ADGRE2: variants seen among roughly 807,000 people sequenced by gnomAD.
ADGRE2 encodes CD97 antigen.
ADGRE2 carries 83 observed loss-of-function variants against 100.8 expected under a neutral mutation model. That is an observed-to-expected ratio of 0.82 (90% CI 0.69 to 0.99). The LOEUF is 0.99. Among genes scored for constraint, ADGRE2 ranks in the 50% least tolerant of loss-of-function variants. The pLI, the probability that ADGRE2 is intolerant of heterozygous loss-of-function variation, is 0.00. For synonymous variants in ADGRE2, 355 were observed against 413.0 expected (o/e 0.86, Z 1.70); for missense variants, 814 against 1,035.7 (o/e 0.79, Z 2.94).
chr19:14,756,139 A>T, intron 12 of ADGRE2, 99 bp downstream of exon 12: 1 of 996,486 alleles, frequency 1.0e-6, no homozygotes, highest in Non-Finnish European at 1.6e-6. Flanking sequence ...CAAACATCCC[A>T]CACTTCCCTT....
At chr19:14,772,024 G>A (rs1193920189) in intron 5 of ADGRE2, 5 of 389,988 alleles carry the variant, frequency 1.3e-5, no homozygotes, top group Non-Finnish European at 2.4e-5. Context: ...CATAGGAGTA[G>A]GCCATTATTA....
rs1398998040 is a variant in ADGRE2 at position 14,772,334 on chromosome 19, G to C, written c.355+8C>G. The C allele has an allele frequency of 1.2e-6, 2 of 1,613,958 alleles. No individual in the cohort carries two copies. Among genetic ancestry groups the C allele is most frequent in the Non-Finnish European group, 1.7e-6 (2 of 1,180,028 alleles). ...CAGTGGTGATGGAGGATGTGGGGTG[G>C]TTCTTACCTTGACACGTGTTCTCGC... On this transcript the variant is annotated splice_region_variant and intron_variant, in intron 5 of 20. Coordinates refer to ENST00000315576, the MANE Select transcript of ADGRE2 (RefSeq NM_013447.4).
At chr19:14,760,746 T>C (rs888369418) in intron 11 of ADGRE2, among the ~76,000 whole-genome samples, 1 of 152,166 alleles carries the variant, frequency 6.6e-6, no homozygotes, top group African/African-American at 2.4e-5. Flanking sequence ...GTGGGGGGTC[T>C]GACATGTGTC....
chr19:14,736,197 C>T lies in ADGRE2; in HGVS notation c.*39G>A, dbSNP rs746896270. 45 of 1,577,612 alleles carry T rather than the reference C, an allele frequency of 2.9e-5. No homozygotes were observed. Among genetic ancestry groups the T allele is most frequent in the Non-Finnish European group, 3.6e-5 (41 of 1,148,420 alleles). On this transcript the variant is annotated 3_prime_UTR_variant, in exon 21 of 21. Coordinates refer to ENST00000315576, the MANE Select transcript of ADGRE2 (RefSeq NM_013447.4). ...ATGGCTCAAAGATTGTTCAGATTTT[C>T]CACGGGCAAAGAGGGAAGATCTTAT...
intron 1 of ADGRE2, among the ~76,000 whole-genome samples, chr19:14,777,894 T>C (rs1442131022): frequency 3.3e-5 from 5 of 152,344 alleles, no homozygotes; most frequent in Admixed American, 1.3e-4. Context: ...CAGTCTATCA[T>C]TGATGGACAT....
rs907690549 is a variant in ADGRE2 at position 14,764,505 on chromosome 19, C to T, written c.1012G>A (p.Glu338Lys). 6.8e-6 allele frequency: 11 copies of T among 1,612,986 alleles called. No homozygotes were observed. The highest frequency in any genetic ancestry group is 8.5e-6 in the Non-Finnish European group (10 of 1,179,962). Reference protein sequence around the residue: ...CVASHLLDGLEDVLRGLSKNL... With the variant: ...CVASHLLDGLKDVLRGLSKNL... ...TTGCTCAGGCCTCTGAGGACATCCT[C>T]TAGGCCATCCAGCAGGTGACTGGCC... is the stretch of plus-strand genomic sequence containing the variant. The change falls in exon 11 of 21, where the codon GAG becomes AAG. Residue 338 changes from glutamate (E) to lysine (K), a missense_variant. By Grantham distance (56) the Glu-to-Lys change is moderately conservative. Around this residue, in one of 5 missense-constraint regions of ADGRE2, gnomAD observed 569 missense variants for 692.7 expected, o/e 0.82. Coordinates refer to ENST00000315576, the MANE Select transcript of ADGRE2 (RefSeq NM_013447.4).
At chr19:14,742,761 A>T (rs1435943820) in intron 20 of ADGRE2, among the ~76,000 whole-genome samples, 2 of 152,128 alleles carry the variant, frequency 1.3e-5, no homozygotes, top group African/African-American at 4.8e-5. Flanking sequence ...TTGTATGTAG[A>T]GGAAAGGGAT....
At position 14,740,785 on chromosome 19, in the gene ADGRE2, G is replaced by A. The variant is rs369594723; in HGVS notation, c.2463+2635C>T. Among the ~76,000 whole-genome samples, 74 of 152,276 alleles carry A rather than the reference G, an allele frequency of 4.9e-4. No homozygotes were observed. In the South Asian group the frequency reaches 8.7e-3, roughly 18 times the overall value. On this transcript the variant is annotated intron_variant, in intron 20 of 20. Coordinates refer to ENST00000315576, the MANE Select transcript of ADGRE2 (RefSeq NM_013447.4). ...GGGGTCTTGCTCTGTCACCCAGGCTGTAGTGCAGTGGCATAATCGTAGCTC... is the reference window on the plus strand; with the variant it reads ...GGGGTCTTGCTCTGTCACCCAGGCTATAGTGCAGTGGCATAATCGTAGCTC...
chr19:14,773,407 CT>C (rs368475089), intron 4 of ADGRE2, among the ~76,000 whole-genome samples: 2,986 of 111,470 alleles, frequency 0.027, 42 homozygotes, highest in South Asian at 0.062. Flanking sequence ...CTCTTTCTGT[CT>C]TTTTTTTTTT....
chr19:14,768,177 T>A (rs1319602436), intron 5 of ADGRE2, among the ~76,000 whole-genome samples: 1 of 152,028 alleles, frequency 6.6e-6, no homozygotes, highest in African/African-American at 2.4e-5. Flanking sequence ...CCACACTAGC[T>A]CTGAGAGCCC....
chr19:14,758,229 GAC>G lies in ADGRE2; in HGVS notation c.1085-1886_1085-1885del, dbSNP rs545121557. ...AAGTGAAAAGACAAGAAAATGAAAA[GAC>G]AATCTACAGAACGGGAGAAAATATT... On this transcript the variant is annotated intron_variant, in intron 11 of 20. Coordinates refer to ENST00000315576, the MANE Select transcript of ADGRE2 (RefSeq NM_013447.4). Among the ~76,000 whole-genome samples, 5 of 152,212 alleles carry G rather than the reference GAC, an allele frequency of 3.3e-5. No individual in the cohort carries two copies. The South Asian group carries it at 1.0e-3, about 32-fold the overall frequency.
At chr19:14,731,979 G>A (rs1380522546), downstream of ADGRE2, 1 of 152,126 alleles carries the variant, frequency 6.6e-6, no homozygotes, top group Non-Finnish European at 1.5e-5. Context: ...CCTTAAAGGG[G>A]CTGTGTGTCC....
At chr19:14,744,637 T>G (rs1430054019) in intron 18 of ADGRE2, among the ~76,000 whole-genome samples, 2 of 151,624 alleles carry the variant, frequency 1.3e-5, no homozygotes, top group Non-Finnish European at 2.9e-5. Flanking sequence ...GTATTTTTAG[T>G]AGAGATGGGG....
Position 14,745,637 on chromosome 19 carries a change from C to T in ADGRE2, c.2183+595G>A, listed in dbSNP as rs571343899. 2.6e-5 allele frequency among the ~76,000 whole-genome samples: 4 copies of T among 152,224 alleles called. No individual in the cohort carries two copies. The South Asian group carries it at 8.3e-4, about 32-fold the overall frequency. Reference sequence around the variant, plus strand: ...TTTTAGTTTTTGAGGCAGAGTCTCACTCTATTGCCCAGGCTGGAGTGCAGT... The same window carrying T: ...TTTTAGTTTTTGAGGCAGAGTCTCATTCTATTGCCCAGGCTGGAGTGCAGT... On this transcript the variant is annotated intron_variant, in intron 18 of 20. Coordinates refer to ENST00000315576, the MANE Select transcript of ADGRE2 (RefSeq NM_013447.4).
At chr19:14,766,019 C>T in intron 7 of ADGRE2, 1 of 961,170 alleles carries the variant, frequency 1.0e-6, no homozygotes, top group Non-Finnish European at 1.6e-6. Flanking sequence ...CCCAGTGAGT[C>T]ATCAGCTGTT....
intron 5 of ADGRE2, among the ~76,000 whole-genome samples, chr19:14,771,617 A>G (rs2044209163): frequency 1.3e-5 from 1 of 75,078 alleles, no homozygotes; most frequent in Admixed American, 1.4e-4. Context: ...AAAGGCATCC[A>G]TTGCTTATTT....
At chr19:14,766,175 C>G in intron 7 of ADGRE2, 60 bp downstream of exon 7, 1 of 1,612,548 alleles carries the variant, frequency 6.2e-7, no homozygotes, top group Non-Finnish European at 8.5e-7. Flanking sequence ...GTGTGGGCGC[C>G]GTTGAACATG....
chr19:14,731,059 C>G, downstream of ADGRE2: 6 of 839,640 alleles, frequency 7.1e-6, no homozygotes, highest in Non-Finnish European at 1.2e-5. Flanking sequence ...CCCTTACATG[C>G]TGCCCTGGTC....
chr19:14,747,083 G>A, intron 16 of ADGRE2, 121 bp from the exon 17 acceptor site: 1 of 846,884 alleles, frequency 1.2e-6, no homozygotes, highest in Non-Finnish European at 1.9e-6. Flanking sequence ...AATATTAAGT[G>A]TTTCTTTAGT....
Sources: allele counts gnomAD v4.1 joint callset (sites outside exome capture counted in the v4.1 genomes callset), GRCh38; gene constraint gnomAD v4.1.1; regional missense constraint gnomAD v4.1.1; transcripts MANE v1.5; gene names NCBI Gene and HGNC (gene_info 2026-07-23, HGNC 2026-07-21).